The following CTBP1 variants were observed in gnomAD, a reference collection of about 807,000 sequenced individuals.
CTBP1 encodes C-terminal-binding protein 1.
Under a neutral mutation model 42.1 loss-of-function variants are expected in CTBP1, and 11 were observed. The observed-to-expected ratio is 0.26, with a 90% CI of 0.16 to 0.43. The LOEUF (loss-of-function observed/expected upper bound fraction) is 0.43, where lower values mean the gene tolerates loss of function less well. Ranked by LOEUF, CTBP1 falls within the 20% of genes least tolerant of loss-of-function variation. CTBP1 has a pLI of 1.00. For missense variants in CTBP1, 399 were observed against 624.3 expected (o/e 0.64, Z 3.85); for synonymous variants, 324 against 277.1 (o/e 1.17, Z -1.68).
At chr4:1,222,804 C>T (rs565894094) in intron 5 of CTBP1, among the ~76,000 whole-genome samples, 33 of 152,222 alleles carry the variant, frequency 2.2e-4, no homozygotes, top group African/African-American at 7.7e-4. Context: ...GGGAAGAGCC[C>T]GGGGCCTTCA....
intron 3 of CTBP1, among the ~76,000 whole-genome samples, chr4:1,231,777 A>T (rs893608734): frequency 6.6e-6 from 1 of 152,146 alleles, no homozygotes; most frequent in African/African-American, 2.4e-5. Flanking sequence ...CAGGTTTCAG[A>T]TTTCCAGAGA....
chr4:1,226,282 C>T (rs939425512), intron 4 of CTBP1, among the ~76,000 whole-genome samples: 1 of 152,106 alleles, frequency 6.6e-6, no homozygotes, highest in Non-Finnish European at 1.5e-5. Context: ...GCCGCCCCTG[C>T]ACGGCACTTC....
chr4:1,241,211 G>C lies in CTBP1; in HGVS notation c.7+114C>G, dbSNP rs554935904. Reference sequence around the variant, plus strand: ...GGGTCAGGTGGCAGCAGTCCGGCCCGACGCCCATGCAGCCCAGGTCCCTCG... The same window carrying C: ...GGGTCAGGTGGCAGCAGTCCGGCCCCACGCCCATGCAGCCCAGGTCCCTCG... On this transcript the variant is annotated intron_variant, in intron 2 of 9. Transcript: ENST00000382952. 3.9e-6 allele frequency: 3 copies of C among 771,678 alleles called. No homozygotes were observed. The African/African-American group carries it at 5.1e-5, about 13-fold the overall frequency. 47.8% of individuals were successfully genotyped at this position (771,678 alleles called of 1,614,324 possible).
intron 1 of CTBP1, among the ~76,000 whole-genome samples, chr4:1,247,107 G>C (rs1329748782): frequency 6.6e-6 from 1 of 152,202 alleles, no homozygotes; most frequent in East Asian, 1.9e-4. Flanking sequence ...CACGTTCTCA[G>C]GTTAATGACA....
intron 1 of CTBP1, chr4:1,243,742 T>G: frequency 1.0e-6 from 1 of 985,420 alleles, no homozygotes. Context: ...TCCAGCTCTG[T>G]ACCTTGCCCA....
At position 1,249,030 on chromosome 4, in the gene CTBP1, C is replaced by A; in HGVS notation, c.-303G>T. The stretch of plus-strand genomic sequence containing the variant: ...GCCGCGAGCCCGGCGCGTGGGGCGG[C>A]CTCGGCGCCGTCCGCTGCTCCGCCC... On this transcript the variant is annotated 5_prime_UTR_variant, in exon 1 of 10. Coordinates refer to ENST00000382952, the MANE Select transcript of CTBP1 (RefSeq NM_001012614.2). 2 of 718,274 alleles carry A rather than the reference C, an allele frequency of 2.8e-6. No homozygotes were observed. Among genetic ancestry groups the A allele is most frequent in the Non-Finnish European group, 3.4e-6 (2 of 589,234 alleles). The allele number at this position is 718,274 out of a possible 1,614,324, so 44.5% of individuals were successfully genotyped here.
chr4:1,214,282 T>A, intron 7 of CTBP1, 61 bp downstream of exon 7: 1 of 1,478,200 alleles, frequency 6.8e-7, no homozygotes, highest in Non-Finnish European at 8.9e-7. Context: ...CGTCTGGAGG[T>A]CAAGGCCGGC....
intron 7 of CTBP1, 149 bp downstream of exon 7, chr4:1,214,194 G>T (rs539620701): frequency 2.8e-6 from 3 of 1,061,770 alleles, no homozygotes; most frequent in Non-Finnish European, 3.8e-6. Context: ...TCCTCACCCC[G>T]CAGCGGGCGG....
At chr4:1,246,054 T>G (rs111551097) in intron 1 of CTBP1, among the ~76,000 whole-genome samples, 1 of 152,040 alleles carries the variant, frequency 6.6e-6, no homozygotes. Flanking sequence ...CATTTCCTTG[T>G]GGGAGATACC....
rs1416132091 is a variant in CTBP1 at position 1,211,657 on chromosome 4, T to G, written c.*583A>C. 1 of 152,380 alleles carries G rather than the reference T, an allele frequency of 6.6e-6. No homozygotes were observed. Among genetic ancestry groups the G allele is most frequent in the Non-Finnish European group, 1.5e-5 (1 of 68,034 alleles). 9.4% of individuals were successfully genotyped at this position (152,380 alleles called of 1,614,324 possible). A position where few individuals can be genotyped will look rare whatever the true frequency, so the allele number is the denominator to read the frequency against. On this transcript the variant is annotated 3_prime_UTR_variant, in exon 10 of 10. Coordinates refer to ENST00000382952, the MANE Select transcript of CTBP1 (RefSeq NM_001012614.2). ...CCCAAGCTTTTCCTTTTGGAGCTGC[T>G]TCGTGATGCCGTCTTCATTTGGAAC...
At chr4:1,242,328 T>C in intron 1 of CTBP1, 1 of 985,312 alleles carries the variant, frequency 1.0e-6, no homozygotes, top group Non-Finnish European at 1.2e-6. Context: ...GCACCGAGGC[T>C]GACCCCAACG....
chr4:1,216,786 C>G (rs975360274), intron 5 of CTBP1: 1 of 163,170 alleles, frequency 6.1e-6, no homozygotes, highest in Non-Finnish European at 1.4e-5. Flanking sequence ...AAGGCTGGCA[C>G]GGGTCCCAGC....
intron 5 of CTBP1, among the ~76,000 whole-genome samples, chr4:1,219,176 T>A (rs745527538): frequency 2.1e-4 from 31 of 149,340 alleles, no homozygotes; most frequent in African/African-American, 3.4e-4. Context: ...TACCAAAAAA[T>A]AATAATAATA....
At chr4:1,225,318 G>C (rs1730211341) in intron 5 of CTBP1, 42 bp downstream of exon 5, 1 of 1,516,376 alleles carries the variant, frequency 6.6e-7, no homozygotes, top group South Asian at 1.2e-5. Context: ...GGCAGCGCCA[G>C]ACACAGGGAG....
At chr4:1,234,257 T>C (rs1468232177) in intron 3 of CTBP1, among the ~76,000 whole-genome samples, 1 of 152,242 alleles carries the variant, frequency 6.6e-6, no homozygotes, top group Non-Finnish European at 1.5e-5. Flanking sequence ...AATGTCCCTG[T>C]GTCTTTGAGC....
chr4:1,213,405 G>T, intron 8 of CTBP1, 73 bp downstream of exon 8: 1 of 1,589,582 alleles, frequency 6.3e-7, no homozygotes, highest in African/African-American at 1.3e-5. Flanking sequence ...CTGCCAGGCG[G>T]ATGCGAGCCC....
chr4:1,220,719 C>T (rs1729642406), intron 5 of CTBP1, among the ~76,000 whole-genome samples: 1 of 152,260 alleles, frequency 6.6e-6, no homozygotes, highest in South Asian at 2.1e-4. Context: ...TGCCTTTCCA[C>T]AGAGGAGCCA....
intron 6 of CTBP1, among the ~76,000 whole-genome samples, 161 bp from the exon 7 acceptor site, chr4:1,214,634 G>A (rs896645057): frequency 1.3e-5 from 2 of 152,232 alleles, no homozygotes; most frequent in Admixed American, 6.5e-5. Context: ...AAGGCCTCGG[G>A]CGTGCTGCAC....
At chr4:1,248,177 G>A (rs1445950371) in intron 1 of CTBP1, among the ~76,000 whole-genome samples, 2 of 151,958 alleles carry the variant, frequency 1.3e-5, no homozygotes, top group Non-Finnish European at 2.9e-5. Context: ...TGCTTCCGCG[G>A]CCGCAGCCCG....
Sources: gnomAD v4.1 joint callset for allele counts (sites outside exome capture counted in the v4.1 genomes callset) on GRCh38, gnomAD v4.1.1 for gene constraint, MANE v1.5 for transcripts, NCBI Gene and HGNC (gene_info 2026-07-23, HGNC 2026-07-21) for gene names.